MRPL42: variants seen among roughly 807,000 people sequenced by gnomAD.
The protein encoded by MRPL42 is mitochondrial ribosomal protein L42, also known as large ribosomal subunit protein mL42.
In MRPL42, 17 loss-of-function variants were observed where a neutral mutation model predicts 17.9. The ratio of observed to expected loss-of-function variants is 0.95; its 90% confidence interval spans 0.65 to 1.42. The LOEUF is 1.42. Among genes scored for constraint, MRPL42 ranks in the 40% most tolerant of loss-of-function variants. The probability of loss-of-function intolerance (pLI) is 0.00; values close to 1 mark genes in which losing one functional copy is unlikely to be tolerated. For missense variants in MRPL42, 177 were observed against 175.2 expected (o/e 1.01, Z -0.06); for synonymous variants, 59 against 54.4 (o/e 1.08, Z -0.37).
At position 93,507,643 on chromosome 12, in the gene MRPL42, G is replaced by T. The variant is rs1331972621; in HGVS notation, c.*6422G>T. The T allele has an allele frequency of 6.6e-6, 1 of 152,230 alleles. No individual in the cohort carries two copies. Among genetic ancestry groups the T allele is most frequent in the African/African-American group, 2.4e-5 (1 of 41,446 alleles). 9.4% of individuals were successfully genotyped at this position (152,230 alleles called of 1,614,324 possible). On this transcript the variant is annotated 3_prime_UTR_variant, in exon 6 of 6. Transcript: ENST00000549982. ...GATCCAGCTCAGCTTATCTTGGCTG[G>T]ACTTGCCCATGCAGCTGAGGTCACT...
Position 93,510,339 on chromosome 12 carries a change from C to G in MRPL42, c.*9118C>G, listed in dbSNP as rs922354184. The stretch of plus-strand genomic sequence containing the variant: ...GGTGTACAACAGTTTATCCATTCAC[C>G]TGCTGAAGGACATCTTGGTTGATTG... On this transcript the variant is annotated 3_prime_UTR_variant, in exon 6 of 6. Coordinates refer to ENST00000549982, the MANE Select transcript of MRPL42 (RefSeq NM_014050.4). 8 of 152,130 alleles carry G rather than the reference C, an allele frequency of 5.3e-5. No homozygotes were observed. The highest frequency in any genetic ancestry group is 1.9e-4 in the African/African-American group (8 of 41,416). The allele number at this position is 152,130 out of a possible 1,614,324, so 9.4% of individuals were successfully genotyped here.
rs1395145961 is a variant in MRPL42 at position 93,487,637 on chromosome 12, G to GCAC, written c.362_364dup (p.His121dup). 6.2e-7 allele frequency: 1 copy of GCAC among 1,612,700 alleles called. No homozygotes were observed. Among genetic ancestry groups the GCAC allele is most frequent in the Non-Finnish European group, 8.5e-7 (1 of 1,179,198 alleles). ...TTAGCAAAATGTTCTTTACTACTAA[G>GCAC]CACCGTTGGTATCCTCATGGACGGT... is the stretch of plus-strand genomic sequence containing the variant. On this transcript the variant is annotated inframe_insertion, in exon 5 of 6. Coordinates refer to ENST00000549982, the MANE Select transcript of MRPL42 (RefSeq NM_014050.4).
intron 5 of MRPL42, among the ~76,000 whole-genome samples, chr12:93,500,345 A>C (rs1017372018): frequency 6.6e-6 from 1 of 152,174 alleles, no homozygotes; most frequent in African/African-American, 2.4e-5. Context: ...TTTGAAGTAA[A>C]AGTTTATACT....
At chr12:93,470,480 T>C in intron 2 of MRPL42, 2 of 1,282,200 alleles carry the variant, frequency 1.6e-6, no homozygotes, top group Non-Finnish European at 2.0e-6. Flanking sequence ...TTATTTTTTA[T>C]TTTAGATTCG....
chr12:93,476,326 G>T (rs1317413106), intron 2 of MRPL42, among the ~76,000 whole-genome samples: 1 of 151,902 alleles, frequency 6.6e-6, no homozygotes, highest in African/African-American at 2.4e-5. Context: ...AGCTGACCAC[G>T]CCTGGCTAAT....
At chr12:93,476,871 G>A in intron 2 of MRPL42, 83 bp from the exon 3 acceptor site, 3 of 1,277,014 alleles carry the variant, frequency 2.3e-6, no homozygotes, top group Non-Finnish European at 3.4e-6. Flanking sequence ...AATGTTGGTT[G>A]AATGAGTAAA....
chr12:93,481,666 C>T (rs1880470366), intron 4 of MRPL42, among the ~76,000 whole-genome samples: 1 of 152,186 alleles, frequency 6.6e-6, no homozygotes, highest in African/African-American at 2.4e-5. Context: ...TCTCTCTCTA[C>T]ATCAGCTACC....
chr12:93,486,174 G>T (rs1350357157), intron 4 of MRPL42, among the ~76,000 whole-genome samples: 1 of 151,974 alleles, frequency 6.6e-6, no homozygotes, highest in Non-Finnish European at 1.5e-5. Context: ...ATTACTGGTG[G>T]AATATGTTGT....
intron 5 of MRPL42, among the ~76,000 whole-genome samples, chr12:93,488,133 G>C (rs1348168609): frequency 1.3e-5 from 2 of 152,098 alleles, no homozygotes; most frequent in Non-Finnish European, 2.9e-5. Context: ...ACTATGCCCA[G>C]CTAATTTTTT....
chr12:93,514,975 A>G lies in MRPL42; in HGVS notation c.*13754A>G, dbSNP rs1953765836. ...CATCATTTCTTAAGAGGGAATCAGGATATCAAAATAGTCTCCAAACTCAGC... is the reference window on the plus strand; with the variant it reads ...CATCATTTCTTAAGAGGGAATCAGGGTATCAAAATAGTCTCCAAACTCAGC... On this transcript the variant is annotated 3_prime_UTR_variant, in exon 6 of 6. Coordinates refer to ENST00000549982, the MANE Select transcript of MRPL42 (RefSeq NM_014050.4). 1 of 152,210 alleles carries G rather than the reference A, an allele frequency of 6.6e-6. No individual in the cohort carries two copies. Among genetic ancestry groups the G allele is most frequent in the African/African-American group, 2.4e-5 (1 of 41,456 alleles). The allele number at this position is 152,210 out of a possible 1,614,324, so 9.4% of individuals were successfully genotyped here.
intron 5 of MRPL42, 160 bp from the exon 6 acceptor site, chr12:93,501,016 A>G (rs1953583447): frequency 5.3e-6 from 3 of 562,034 alleles, no homozygotes; most frequent in Admixed American, 3.8e-5. Flanking sequence ...AATTTTCACA[A>G]TGGGAGAATG....
intron 2 of MRPL42, among the ~76,000 whole-genome samples, chr12:93,469,723 C>T (rs1349182755): frequency 1.3e-5 from 2 of 152,116 alleles, no homozygotes; most frequent in Non-Finnish European, 2.9e-5. Context: ...ATGGAAAGAT[C>T]TCCAAATAGA....
chr12:93,496,233 A>AT (rs1311295173), intron 5 of MRPL42, among the ~76,000 whole-genome samples: 2 of 151,912 alleles, frequency 1.3e-5, no homozygotes, highest in Non-Finnish European at 2.9e-5. Flanking sequence ...TAATTTTTGT[A>AT]TTTTTAGTAA....
chr12:93,477,160 T>C (rs1423029057), intron 3 of MRPL42, 143 bp downstream of exon 3: 4 of 613,758 alleles, frequency 6.5e-6, no homozygotes, highest in Non-Finnish European at 1.1e-5. Flanking sequence ...TTTTAATGAT[T>C]TTATTTACCC....
chr12:93,484,999 T>TACACAC (rs1565813832), intron 4 of MRPL42, among the ~76,000 whole-genome samples: 5 of 69,402 alleles, frequency 7.2e-5, no homozygotes, highest in African/African-American at 2.8e-4. Context: ...TATATATATA[T>TACACAC]ATATATATAT....
At chr12:93,470,622 A>G in intron 2 of MRPL42, 1 of 1,127,690 alleles carries the variant, frequency 8.9e-7, no homozygotes, top group Non-Finnish European at 1.1e-6. Context: ...CCATCCCTCC[A>G]TTCTGTTTTG....
intron 2 of MRPL42, among the ~76,000 whole-genome samples, chr12:93,473,319 G>A (rs1879994635): frequency 6.6e-6 from 1 of 151,800 alleles, no homozygotes; most frequent in South Asian, 2.1e-4. Flanking sequence ...GGAGTGCAGT[G>A]GTGCAGTCTT....
intron 1 of MRPL42, among the ~76,000 whole-genome samples, chr12:93,467,791 A>G (rs1246045695): frequency 6.6e-6 from 1 of 152,162 alleles, no homozygotes. Context: ...TTGTGGCTCT[A>G]GGGACTCCTT....
rs1953614344 is a variant in MRPL42 at position 93,502,854 on chromosome 12, C to G, written c.*1633C>G. ...GATTTACCCAAGATGCCCACATCCA[C>G]ATACTTATGTGTCAGTGCTTTGGAG... is the stretch of plus-strand genomic sequence containing the variant. On this transcript the variant is annotated 3_prime_UTR_variant, in exon 6 of 6. Coordinates refer to ENST00000549982, the MANE Select transcript of MRPL42 (RefSeq NM_014050.4). 1 of 152,234 alleles carries G rather than the reference C, an allele frequency of 6.6e-6. No individual in the cohort carries two copies. Among genetic ancestry groups the G allele is most frequent in the Admixed American group, 6.5e-5 (1 of 15,284 alleles). 9.4% of individuals were successfully genotyped at this position (152,234 alleles called of 1,614,324 possible).
Sources: gnomAD v4.1 joint callset for allele counts (sites outside exome capture counted in the v4.1 genomes callset) on GRCh38, gnomAD v4.1.1 for gene constraint, MANE v1.5 for transcripts, NCBI Gene and HGNC (gene_info 2026-07-23, HGNC 2026-07-21) for gene names.